The following NDUFAF2 variants were observed in gnomAD, a reference collection of about 807,000 sequenced individuals.
NDUFAF2 encodes NADH dehydrogenase [ubiquinone] 1 alpha subcomplex assembly factor 2.
In NDUFAF2, 13 loss-of-function variants were observed where a neutral mutation model predicts 22.8. That is an observed-to-expected ratio of 0.57 (90% confidence interval 0.37 to 0.91). The LOEUF is 0.91. Ranked by LOEUF, NDUFAF2 falls within the 40% of genes least tolerant of loss-of-function variation. The pLI is 0.01. For missense variants in NDUFAF2, 162 were observed against 195.2 expected (o/e 0.83, Z 1.01); for synonymous variants, 53 against 64.2 (o/e 0.83, Z 0.84).
At chr5:61,109,111 C>T (rs536711750) in intron 3 of NDUFAF2, among the ~76,000 whole-genome samples, 64 of 152,112 alleles carry the variant, frequency 4.2e-4, no homozygotes, top group African/African-American at 1.5e-3. Flanking sequence ...TTCCCTTTTG[C>T]CTGTGTCCTC....
At chr5:61,018,533 A>C (rs1751540330) in intron 1 of NDUFAF2, among the ~76,000 whole-genome samples, 3 of 152,178 alleles carry the variant, frequency 2.0e-5, no homozygotes, top group Admixed American at 2.0e-4. Flanking sequence ...AAGTTCATCA[A>C]ATTTTATTAA....
At chr5:61,001,351 C>T (rs1751292738) in intron 1 of NDUFAF2, among the ~76,000 whole-genome samples, 2 of 152,112 alleles carry the variant, frequency 1.3e-5, no homozygotes, top group East Asian at 1.9e-4. Context: ...TGGGAGAACG[C>T]AATGAATAAT....
intron 1 of NDUFAF2, among the ~76,000 whole-genome samples, chr5:61,018,344 G>C (rs531547355): frequency 1.3e-5 from 2 of 152,222 alleles, no homozygotes; most frequent in Non-Finnish European, 2.9e-5. Flanking sequence ...TGTTGATTGT[G>C]CTTAAGGAAG....
At chr5:61,126,827 C>CA (rs764353118) in intron 3 of NDUFAF2, among the ~76,000 whole-genome samples, 13 of 151,732 alleles carry the variant, frequency 8.6e-5, no homozygotes, top group South Asian at 2.1e-4. Flanking sequence ...AAAAACCCTT[C>CA]AAAAAAATCA....
At chr5:61,067,963 T>C (rs948834967) in intron 1 of NDUFAF2, among the ~76,000 whole-genome samples, 1 of 152,174 alleles carries the variant, frequency 6.6e-6, no homozygotes, top group Non-Finnish European at 1.5e-5. Context: ...GTAACCTTTT[T>C]ACTGTCTATT....
At chr5:60,950,332 A>G (rs927587603) in intron 1 of NDUFAF2, among the ~76,000 whole-genome samples, 28 of 152,032 alleles carry the variant, frequency 1.8e-4, no homozygotes, top group African/African-American at 6.0e-4. Flanking sequence ...GATTACAGGC[A>G]TGTGCCACTA....
At chr5:61,008,052 A>G (rs941068524) in intron 1 of NDUFAF2, among the ~76,000 whole-genome samples, 5 of 151,254 alleles carry the variant, frequency 3.3e-5, no homozygotes, top group Non-Finnish European at 5.9e-5. Context: ...TATCGCAAGA[A>G]CAAAAAACCA....
intron 3 of NDUFAF2, among the ~76,000 whole-genome samples, chr5:61,142,012 G>A (rs1184277722): frequency 6.6e-6 from 1 of 152,050 alleles, no homozygotes; most frequent in African/African-American, 2.4e-5. Context: ...CTCTCTCTCT[G>A]AGGCCAAGCC....
chr5:61,024,659 C>T (rs1341591589), intron 1 of NDUFAF2, among the ~76,000 whole-genome samples: 1 of 152,032 alleles, frequency 6.6e-6, no homozygotes, highest in African/African-American at 2.4e-5. Context: ...GTAAGTCTGG[C>T]TCCAGAGGCT....
intron 1 of NDUFAF2, among the ~76,000 whole-genome samples, chr5:61,067,969 C>T (rs1164886402): frequency 6.6e-6 from 1 of 152,064 alleles, no homozygotes; most frequent in African/African-American, 2.4e-5. Context: ...TTTTTACTGT[C>T]TATTCATATC....
intron 3 of NDUFAF2, among the ~76,000 whole-genome samples, chr5:61,132,864 AG>A (rs1378489168): frequency 6.6e-6 from 1 of 152,022 alleles, no homozygotes; most frequent in Non-Finnish European, 1.5e-5. Flanking sequence ...GTTGGCCACA[AG>A]GTCACATTTT....
chr5:61,020,733 C>G (rs959789910), intron 1 of NDUFAF2, among the ~76,000 whole-genome samples: 7 of 152,030 alleles, frequency 4.6e-5, no homozygotes, highest in Non-Finnish European at 8.8e-5. Context: ...CTCTGTCGCC[C>G]AAGCTGGAGT....
intron 1 of NDUFAF2, among the ~76,000 whole-genome samples, chr5:61,031,173 A>G (rs1290037487): frequency 2.6e-5 from 4 of 151,898 alleles, no homozygotes; most frequent in South Asian, 4.2e-4. Flanking sequence ...TTCTTTTTTT[A>G]AATTATTATA....
intron 3 of NDUFAF2, among the ~76,000 whole-genome samples, chr5:61,123,025 G>A (rs895952141): frequency 6.6e-6 from 1 of 152,122 alleles, no homozygotes; most frequent in African/African-American, 2.4e-5. Flanking sequence ...TGTCCATTGA[G>A]CACATAGTCC....
chr5:61,122,508 CT>C (rs1474458855), intron 3 of NDUFAF2, among the ~76,000 whole-genome samples: 1 of 152,098 alleles, frequency 6.6e-6, no homozygotes, highest in African/African-American at 2.4e-5. Context: ...ATTTAACTAT[CT>C]TTTGAAAAAG....
intron 1 of NDUFAF2, among the ~76,000 whole-genome samples, chr5:61,022,211 G>A (rs1751592186): frequency 6.6e-6 from 1 of 152,116 alleles, no homozygotes; most frequent in Non-Finnish European, 1.5e-5. Flanking sequence ...CTCTTTCCAA[G>A]TTACTTAGTT....
rs544398381 is a variant in NDUFAF2 at position 60,945,488 on chromosome 5, G to C, written c.127+106G>C. 5.0e-5 allele frequency: 74 copies of C among 1,479,338 alleles called. 1 individual carries two copies. The South Asian group carries it at 7.5e-4, about 15-fold the overall frequency. 91.6% of individuals were successfully genotyped at this position (1,479,338 alleles called of 1,614,324 possible). A position where few individuals can be genotyped will look rare whatever the true frequency, so the allele number is the denominator to read the frequency against. On this transcript the variant is annotated intron_variant, in intron 1 of 3. Coordinates refer to ENST00000296597, the MANE Select transcript of NDUFAF2 (RefSeq NM_174889.5). ...CAACTAACGCATCATGCGACACTTA[G>C]GGTGTCACCGGAGAGAATTTCCCGA...
chr5:60,974,342 C>T (rs965253935), intron 1 of NDUFAF2, among the ~76,000 whole-genome samples: 4 of 152,180 alleles, frequency 2.6e-5, no homozygotes, highest in Non-Finnish European at 5.9e-5. Flanking sequence ...GCCTTTGCCA[C>T]AGACTGAAGG....
At chr5:61,030,906 T>TCTG (rs1413505156) in intron 1 of NDUFAF2, among the ~76,000 whole-genome samples, 2 of 152,168 alleles carry the variant, frequency 1.3e-5, no homozygotes, top group African/African-American at 2.4e-5. Flanking sequence ...TGAACCTACT[T>TCTG]CTGCTCAACA....
Sources: allele counts gnomAD v4.1 joint callset (sites outside exome capture counted in the v4.1 genomes callset), GRCh38; gene constraint gnomAD v4.1.1; transcripts MANE v1.5; gene names NCBI Gene and HGNC (gene_info 2026-07-23, HGNC 2026-07-21).